ASCC3: variants seen among roughly 807,000 people sequenced by gnomAD.
ASCC3 encodes ASC-1 complex subunit P200.
Under a neutral mutation model 256.3 loss-of-function variants are expected in ASCC3, and 158 were observed. That is an observed-to-expected ratio of 0.62 (90% CI 0.54 to 0.70). The LOEUF is 0.70. ASCC3 is among the 30% of genes least tolerant of loss of function. ASCC3 has a pLI of 0.00. For missense variants in ASCC3, 2,259 were observed against 2,626.0 expected, an observed-to-expected ratio of 0.86 and a Z score of 3.05; for synonymous variants, 948 against 883.4, an observed-to-expected ratio of 1.07 and a Z score of -1.30.
At chr6:100,655,652 A>C in intron 17 of ASCC3, 47 bp downstream of exon 17, 1 of 1,591,680 alleles carries the variant, frequency 6.3e-7, no homozygotes, top group Non-Finnish European at 8.6e-7. Context: ...TCATGAAAGA[A>C]CCAAAAAGAA....
intron 41 of ASCC3, 104 bp from the exon 42 acceptor site, chr6:100,509,637 A>G: frequency 8.6e-7 from 1 of 1,162,906 alleles, no homozygotes; most frequent in Non-Finnish European, 1.2e-6. Context: ...GCGGTGGCTC[A>G]CGCCTGTAAT....
chr6:100,520,757 A>C (rs1034976974), intron 37 of ASCC3, among the ~76,000 whole-genome samples: 14 of 152,188 alleles, frequency 9.2e-5, no homozygotes, highest in African/African-American at 3.4e-4. Flanking sequence ...ACAGGCTCAT[A>C]GCCTAGATGT....
chr6:100,527,919 A>G (rs964351333), intron 37 of ASCC3, among the ~76,000 whole-genome samples: 2 of 151,554 alleles, frequency 1.3e-5, no homozygotes, highest in Admixed American at 6.6e-5. Flanking sequence ...GGCTCACCAC[A>G]GCCTCAAACT....
chr6:100,784,967 T>C (rs554987309), intron 8 of ASCC3, among the ~76,000 whole-genome samples: 1 of 152,202 alleles, frequency 6.6e-6, no homozygotes, highest in East Asian at 1.9e-4. Context: ...TATAGAGTCC[T>C]ACATCTTTAC....
At chr6:100,541,146 T>C (rs546937780) in intron 36 of ASCC3, among the ~76,000 whole-genome samples, 2 of 152,316 alleles carry the variant, frequency 1.3e-5, no homozygotes, top group East Asian at 3.9e-4. Flanking sequence ...ACAAACATCA[T>C]ATTTTTCCAA....
intron 8 of ASCC3, among the ~76,000 whole-genome samples, chr6:100,792,155 T>C (rs776846204): frequency 6.6e-6 from 1 of 151,952 alleles, no homozygotes; most frequent in African/African-American, 2.4e-5. Flanking sequence ...AATACAGTAC[T>C]GTACTTATCA....
chr6:100,516,868 G>A (rs1219434377), intron 38 of ASCC3, among the ~76,000 whole-genome samples: 1 of 151,994 alleles, frequency 6.6e-6, no homozygotes, highest in African/African-American at 2.4e-5. Context: ...ACTCTTAAGA[G>A]TGCTGTGAAA....
intron 8 of ASCC3, among the ~76,000 whole-genome samples, chr6:100,785,063 A>G (rs995417427): frequency 2.0e-5 from 3 of 152,134 alleles, no homozygotes; most frequent in East Asian, 1.9e-4. Flanking sequence ...AAGACAGTAC[A>G]TGGACACTGT....
chr6:100,700,847 A>ATTT (rs1287492376), intron 13 of ASCC3, among the ~76,000 whole-genome samples: 3 of 152,134 alleles, frequency 2.0e-5, no homozygotes, highest in Non-Finnish European at 2.9e-5. Flanking sequence ...CTTGCTTTTG[A>ATTT]TTTTACAAGC....
intron 30 of ASCC3, among the ~76,000 whole-genome samples, chr6:100,615,964 T>C (rs1773646434): frequency 6.6e-6 from 1 of 152,214 alleles, no homozygotes; most frequent in South Asian, 2.1e-4. Context: ...GAACTAAATT[T>C]ATTTTAGTTC....
chr6:100,818,480 C>T (rs1391611418), intron 4 of ASCC3, among the ~76,000 whole-genome samples: 1 of 150,850 alleles, frequency 6.6e-6, no homozygotes, highest in Non-Finnish European at 1.5e-5. Context: ...GGCAGGAGAA[C>T]CGCTTGAACC....
chr6:100,787,960 G>GT (rs111711211), intron 8 of ASCC3, among the ~76,000 whole-genome samples: 2,897 of 145,540 alleles, frequency 0.02, 92 homozygotes, highest in African/African-American at 0.066. Context: ...GCATAATCGA[G>GT]TTTTTTTTTT....
intron 30 of ASCC3, among the ~76,000 whole-genome samples, chr6:100,608,097 C>CATATATATGTATATATACGTATATAT (rs1391815541): frequency 3.1e-4 from 14 of 45,008 alleles, no homozygotes; most frequent in Non-Finnish European, 4.1e-4. Context: ...TATCTATATA[C>CATATATATGTATATATACGTATATAT]ACATATATAT....
At chr6:100,777,023 A>G (rs1782224781) in intron 8 of ASCC3, among the ~76,000 whole-genome samples, 1 of 152,060 alleles carries the variant, frequency 6.6e-6, no homozygotes, top group African/African-American at 2.4e-5. Context: ...TCCAAGTTTT[A>G]TATTCTGGAA....
intron 10 of ASCC3, among the ~76,000 whole-genome samples, chr6:100,754,782 G>A (rs891642055): frequency 6.6e-6 from 1 of 152,214 alleles, no homozygotes. Context: ...TATTGTGTGA[G>A]GGACCCAGTG....
At chr6:100,732,832 G>A (rs1326906298) in intron 10 of ASCC3, among the ~76,000 whole-genome samples, 1 of 152,036 alleles carries the variant, frequency 6.6e-6, no homozygotes, top group Non-Finnish European at 1.5e-5. Flanking sequence ...ATACCTCAAG[G>A]TCCACATTAC....
At chr6:100,850,404 G>A (rs1282086912) in intron 3 of ASCC3, among the ~76,000 whole-genome samples, 1 of 152,054 alleles carries the variant, frequency 6.6e-6, no homozygotes, top group Non-Finnish European at 1.5e-5. Flanking sequence ...CTTTCAAGAT[G>A]AGTACAACGT....
intron 36 of ASCC3, among the ~76,000 whole-genome samples, chr6:100,553,655 T>C (rs1321303660): frequency 1.3e-5 from 2 of 152,076 alleles, no homozygotes; most frequent in Non-Finnish European, 2.9e-5. Flanking sequence ...CAACCTATGA[T>C]GAACTCTGCT....
In ASCC3 at chr6:100,807,460, T is replaced by C. The variant is rs186370987; in HGVS notation, c.802-1580A>G. Among the ~76,000 whole-genome samples the C allele has an allele frequency of 2.8e-3, 429 of 151,976 alleles. 1 individual carries two copies. Among genetic ancestry groups the C allele is most frequent in the Middle Eastern group, 6.8e-3 (2 of 294 alleles). On this transcript the variant is annotated intron_variant, in intron 4 of 41. Coordinates refer to ENST00000369162, the MANE Select transcript of ASCC3 (RefSeq NM_006828.4). ...CAACAAAGTATGACATATGGAGTCC[T>C]AGAAGTCCCGGACACTTAGGGGGCC... is the stretch of plus-strand genomic sequence containing the variant.
Sources: allele counts gnomAD v4.1 joint callset (sites outside exome capture counted in the v4.1 genomes callset), GRCh38; gene constraint gnomAD v4.1.1; transcripts MANE v1.5; gene names NCBI Gene and HGNC (gene_info 2026-07-23, HGNC 2026-07-21).